The following GRID2 variants were observed in gnomAD, a reference collection of about 807,000 sequenced individuals.
GRID2 encodes glutamate receptor ionotropic, delta-2.
A neutral mutation model predicts 114.8 loss-of-function variants in GRID2; 33 were observed. That is an observed-to-expected ratio of 0.29 (90% confidence interval 0.22 to 0.38). The LOEUF (loss-of-function observed/expected upper bound fraction) is 0.38. Ranked by LOEUF, GRID2 falls within the 10% of genes least tolerant of loss-of-function variation. The pLI is 1.00. For synonymous variants in GRID2, 505 were observed against 449.9 expected, an observed-to-expected ratio of 1.12 and a Z score of -1.55; for missense variants, 1,184 against 1,257.7, an observed-to-expected ratio of 0.94 and a Z score of 0.89.
chr4:92,840,691 C>T (rs916754334), intron 2 of GRID2, among the ~76,000 whole-genome samples: 4 of 151,936 alleles, frequency 2.6e-5, no homozygotes, highest in African/African-American at 9.7e-5. Flanking sequence ...GCATATATGT[C>T]CTTCCTTCTT....
chr4:92,640,816 A>T (rs1579742587), intron 2 of GRID2, among the ~76,000 whole-genome samples: 1 of 151,836 alleles, frequency 6.6e-6, no homozygotes, highest in East Asian at 1.9e-4. Context: ...TGTAATTCTC[A>T]TATAAAATAA....
chr4:92,624,150 A>G (rs1157374994), intron 2 of GRID2, among the ~76,000 whole-genome samples: 3 of 151,858 alleles, frequency 2.0e-5, no homozygotes, highest in Non-Finnish European at 4.4e-5. Flanking sequence ...CATTCTTCAT[A>G]TGTATTAACT....
intron 11 of GRID2, among the ~76,000 whole-genome samples, chr4:93,464,923 C>G (rs1724126057): frequency 6.6e-6 from 1 of 152,180 alleles, no homozygotes; most frequent in South Asian, 2.1e-4. Flanking sequence ...TGTTTAAGCT[C>G]TACTTTAGCA....
chr4:93,592,701 T>C (rs190105629), intron 13 of GRID2, among the ~76,000 whole-genome samples: 1,981 of 152,254 alleles, frequency 0.013, 26 homozygotes, highest in Non-Finnish European at 0.018. Context: ...TAAGTCTCTT[T>C]GTAGGTCACT....
chr4:93,758,095 A>C (rs2110301645), intron 14 of GRID2, among the ~76,000 whole-genome samples: 1 of 152,352 alleles, frequency 6.6e-6, no homozygotes, highest in East Asian at 1.9e-4. Context: ...ATTCTAGGCC[A>C]CCTCAAGAGA....
chr4:92,427,926 T>A (rs1033105790), intron 1 of GRID2, among the ~76,000 whole-genome samples: 2 of 152,152 alleles, frequency 1.3e-5, no homozygotes, highest in Non-Finnish European at 1.5e-5. Context: ...TCTTTGGAGA[T>A]TAGAATTATT....
chr4:93,735,579 T>G (rs1393551803), intron 14 of GRID2, among the ~76,000 whole-genome samples: 1 of 152,056 alleles, frequency 6.6e-6, no homozygotes, highest in East Asian at 1.9e-4. Context: ...GTAACTCTGG[T>G]TCTTTACAAA....
intron 2 of GRID2, among the ~76,000 whole-genome samples, chr4:92,792,503 A>ACT (rs1739642615): frequency 1.5e-5 from 2 of 135,832 alleles, no homozygotes; most frequent in Admixed American, 1.5e-4. Context: ...ACACACACAC[A>ACT]CTGTCACTCT....
At chr4:93,214,780 T>TGATA (rs1579313514) in intron 5 of GRID2, among the ~76,000 whole-genome samples, 1 of 152,086 alleles carries the variant, frequency 6.6e-6, no homozygotes, top group Non-Finnish European at 1.5e-5. Flanking sequence ...ATTTGGCTCA[T>TGATA]GATAGATGAC....
intron 14 of GRID2, among the ~76,000 whole-genome samples, chr4:93,736,788 G>C (rs1286222236): frequency 7.2e-6 from 1 of 138,730 alleles, no homozygotes; most frequent in Non-Finnish European, 1.5e-5. Flanking sequence ...AGAAAAGCCT[G>C]AAGTAAAGGC....
At chr4:93,512,862 G>A (rs944215262) in intron 12 of GRID2, among the ~76,000 whole-genome samples, 1 of 152,122 alleles carries the variant, frequency 6.6e-6, no homozygotes, top group African/African-American at 2.4e-5. Context: ...ACAGAAACCT[G>A]ATCATATTAA....
intron 2 of GRID2, among the ~76,000 whole-genome samples, chr4:92,819,910 TAGTG>T (rs1264629725): frequency 1.3e-5 from 2 of 152,110 alleles, no homozygotes; most frequent in Non-Finnish European, 2.9e-5. Context: ...ATATGAATAA[TAGTG>T]AGAATTATAA....
chr4:92,832,583 G>A (rs940475068), intron 2 of GRID2, among the ~76,000 whole-genome samples: 13 of 151,980 alleles, frequency 8.6e-5, no homozygotes, highest in African/African-American at 2.2e-4. Context: ...TAGTAGAGAC[G>A]GGGTTTCACC....
At chr4:92,305,519 C>T (rs1424326560) in intron 1 of GRID2, among the ~76,000 whole-genome samples, 1 of 152,106 alleles carries the variant, frequency 6.6e-6, no homozygotes, top group African/African-American at 2.4e-5. Flanking sequence ...CAGATATCCG[C>T]CTTGCCTCGC....
chr4:92,985,978 C>T (rs1260754525), intron 2 of GRID2, among the ~76,000 whole-genome samples: 3 of 152,146 alleles, frequency 2.0e-5, no homozygotes, highest in Non-Finnish European at 4.4e-5. Context: ...CCTACATTCT[C>T]ATGCATATAA....
intron 2 of GRID2, among the ~76,000 whole-genome samples, chr4:92,618,144 C>G (rs1161282268): frequency 6.6e-6 from 1 of 151,556 alleles, no homozygotes; most frequent in Non-Finnish European, 1.5e-5. Context: ...TATATATTTT[C>G]TAGTCTTACA....
intron 1 of GRID2, among the ~76,000 whole-genome samples, chr4:92,352,955 T>C (rs1266104018): frequency 6.6e-6 from 1 of 151,870 alleles, no homozygotes; most frequent in East Asian, 1.9e-4. Context: ...GTTTTTGTTA[T>C]TATTTCTTTA....
chr4:93,301,196 C>T (rs1057496653), intron 8 of GRID2, among the ~76,000 whole-genome samples: 1 of 152,138 alleles, frequency 6.6e-6, no homozygotes, highest in Non-Finnish European at 1.5e-5. Flanking sequence ...AGGAAACAAA[C>T]GTTATCATTT....
chr4:92,991,005 A>G (rs1754869090), intron 2 of GRID2, among the ~76,000 whole-genome samples: 1 of 152,216 alleles, frequency 6.6e-6, no homozygotes, highest in South Asian at 2.1e-4. Context: ...GCCATCTTGA[A>G]TGTCAGCTCA....
Sources: allele counts gnomAD v4.1 joint callset (sites outside exome capture counted in the v4.1 genomes callset), GRCh38; gene constraint gnomAD v4.1.1; transcripts MANE v1.5; gene names NCBI Gene and HGNC (gene_info 2026-07-23, HGNC 2026-07-21).